ABCB11: variants seen among roughly 807,000 people sequenced by gnomAD.
The protein encoded by ABCB11 is ATP binding cassette subfamily B member 11, also known as bile salt export pump.
ABCB11 carries 95 observed loss-of-function variants against 148.0 expected under a neutral mutation model. The ratio of observed to expected loss-of-function variants is 0.64; its 90% CI spans 0.54 to 0.76. The LOEUF is 0.76. Ranked by LOEUF, ABCB11 falls within the 30% of genes least tolerant of loss-of-function variation. The pLI, the probability that ABCB11 is intolerant of heterozygous loss-of-function variation, is 0.00. For missense variants in ABCB11, 1,523 were observed against 1,617.8 expected (o/e 0.94, Z 1.01); for synonymous variants, 591 against 555.4 (o/e 1.06, Z -0.90).
rs13395480 is a variant in ABCB11 at position 168,995,241 on chromosome 2, T to C, written c.611+108A>G. The stretch of plus-strand genomic sequence containing the variant: ...ACATATGAAAGCCCAATTTAAGAGA[T>C]GAAACATAGGAAAACTGAAAATATT... On this transcript the variant is annotated intron_variant, in intron 7 of 27. Coordinates refer to ENST00000650372, the MANE Select transcript of ABCB11 (RefSeq NM_003742.4). 2.9e-4 allele frequency: 375 copies of C among 1,291,682 alleles called. No individual in the cohort carries two copies. In the African/African-American group the frequency reaches 5.0e-3, roughly 17 times the overall value. 80.0% of individuals were successfully genotyped at this position (1,291,682 alleles called of 1,614,324 possible). A position where few individuals can be genotyped will look rare whatever the true frequency, so the allele number is the denominator to read the frequency against.
intron 23 of ABCB11, among the ~76,000 whole-genome samples, 170 bp from the exon 24 acceptor site, chr2:168,932,703 T>G (rs1023581299): frequency 6.6e-5 from 10 of 152,172 alleles, no homozygotes; most frequent in Non-Finnish European, 1.0e-4. Context: ...TTTAAGGGAC[T>G]GGCAGTTTTC....
exon 3 of ABCB11, among the ~76,000 whole-genome samples, chr2:168,915,527 G>A (rs1215886160): frequency 6.6e-6 from 1 of 152,188 alleles, no homozygotes; most frequent in Non-Finnish European, 1.5e-5. Flanking sequence ...GCTTAAACAA[G>A]TGAGAGGTGT....
intron 12 of ABCB11, among the ~76,000 whole-genome samples, chr2:168,974,672 G>C (rs145500606): frequency 1.3e-5 from 2 of 151,754 alleles, no homozygotes; most frequent in Admixed American, 6.6e-5. Flanking sequence ...AAACATACTC[G>C]TACTATGAAT....
At chr2:169,021,806 C>A (rs1337459347) in intron 1 of ABCB11, among the ~76,000 whole-genome samples, 1 of 151,912 alleles carries the variant, frequency 6.6e-6, no homozygotes, top group Non-Finnish European at 1.5e-5. Flanking sequence ...ACTATGGAAC[C>A]TGCAACCAAG....
chr2:168,993,738 A>G lies in ABCB11; in HGVS notation c.756T>C (p.Ile252=). The G allele has an allele frequency of 6.2e-7, 1 of 1,609,808 alleles. No individual in the cohort carries two copies. Among genetic ancestry groups the G allele is most frequent in the Non-Finnish European group, 8.5e-7 (1 of 1,177,930 alleles). ...GACCAATGGTGGCTGCTCCAATCCCAATGAGAGGGCTGACAGAAATAATAA... is the reference window on the plus strand; with the variant it reads ...GACCAATGGTGGCTGCTCCAATCCCGATGAGAGGGCTGACAGAAATAATAA... The part of the protein sequence containing the change: ...TLVIISVSPL[I]GIGAATIGLS... Residue 252 remains isoleucine (I), a synonymous_variant, in exon 8 of 28, where the codon ATT becomes ATC. Coordinates refer to ENST00000650372, the MANE Select transcript of ABCB11 (RefSeq NM_003742.4).
chr2:168,952,677 GT>G (rs779394916), intron 19 of ABCB11, among the ~76,000 whole-genome samples: 5,324 of 93,582 alleles, frequency 0.057, 246 homozygotes, highest in African/African-American at 0.16. Context: ...TTGCTCCTTT[GT>G]TTTTTTTTTT....
rs1695254883 is a variant in ABCB11 at position 169,013,465 on chromosome 2, T to C, written c.196A>G (p.Ser66Gly). ...ATTCCATGGAGAAATGCACACAAAC[T>C]TCCCACAAACATCAGCCAAATGTCA... ...STDIWLMFVGSLCAFLHGIAQ... is the reference protein window; with the variant it reads ...STDIWLMFVGGLCAFLHGIAQ... The change falls in exon 5 of 28, where the codon AGT becomes GGT. Residue 66 changes from serine to glycine, a missense_variant. Ser to Gly is a moderately conservative substitution (Grantham distance 56). Transcript: ENST00000650372. 1.1e-5 allele frequency: 17 copies of C among 1,613,500 alleles called. No individual in the cohort carries two copies. Among genetic ancestry groups the C allele is most frequent in the Admixed American group, 3.3e-5 (2 of 59,918 alleles).
chr2:168,993,662 T>G (rs1047843705), intron 8 of ABCB11, 49 bp downstream of exon 8: 3 of 1,560,712 alleles, frequency 1.9e-6, no homozygotes, highest in Non-Finnish European at 2.6e-6. Flanking sequence ...TTTGGCTGTT[T>G]ATGAAGGCAA....
In ABCB11 at chr2:168,932,400, A is replaced by G. The variant is rs886055062; in HGVS notation, c.3190T>C (p.Tyr1064His). The part of the protein sequence containing the change: ...LLDRQPPISV[Y>H]NTAGEKWDNF... Reference sequence around the variant, plus strand: ...ACCCATTTTTCACCTGCAGTATTGTATACACTGATTGGGGGTTGTCGGTCC... The same window carrying G: ...ACCCATTTTTCACCTGCAGTATTGTGTACACTGATTGGGGGTTGTCGGTCC... Residue 1064 changes from tyrosine (Y) to histidine (H), a missense_variant, in exon 24 of 28, where the codon TAC becomes CAC. Physicochemically the swap from Tyr to His is moderately conservative, Grantham distance 83. Coordinates refer to ENST00000650372, the MANE Select transcript of ABCB11 (RefSeq NM_003742.4). 2 of 1,570,536 alleles carry G rather than the reference A, an allele frequency of 1.3e-6. No individual in the cohort carries two copies. The highest frequency in any genetic ancestry group is 1.7e-4 in the Middle Eastern group (1 of 6,014).
At chr2:168,981,990 TG>T (rs1694150356) in intron 10 of ABCB11, among the ~76,000 whole-genome samples, 1 of 152,104 alleles carries the variant, frequency 6.6e-6, no homozygotes, top group African/African-American at 2.4e-5. Flanking sequence ...GCTCTCTGGA[TG>T]GGGAGGAGTG....
At chr2:168,977,203 T>C (rs1693949054) in intron 11 of ABCB11, among the ~76,000 whole-genome samples, 1 of 150,734 alleles carries the variant, frequency 6.6e-6, no homozygotes, top group Non-Finnish European at 1.5e-5. Context: ...TAGGAGACAA[T>C]GTACTAGGTG....
intron 2 of ABCB11, 176 bp downstream of exon 2, chr2:169,017,874 A>G: frequency 1.3e-6 from 1 of 765,852 alleles, no homozygotes; most frequent in Non-Finnish European, 2.4e-6. Flanking sequence ...GCTTTCAGAT[A>G]TTACGTTACA....
At chr2:168,967,256 G>A (rs1219933267) in intron 17 of ABCB11, among the ~76,000 whole-genome samples, 1 of 151,832 alleles carries the variant, frequency 6.6e-6, no homozygotes, top group African/African-American at 2.4e-5. Flanking sequence ...ACATGACAGA[G>A]TAATGTGAAG....
At position 169,018,034 on chromosome 2, in the gene ABCB11, G is replaced by GA; in HGVS notation, c.76+15dup. On this transcript the variant is annotated intron_variant, in intron 2 of 27. Transcript: ENST00000650372. ...TCTCCTTGTACAAGATGCAGTGAGGGAAAAAAGCCACTCACATGATTTATC... is the reference window on the plus strand; with the variant it reads ...TCTCCTTGTACAAGATGCAGTGAGGGAAAAAAAGCCACTCACATGATTTATC... The GA allele has an allele frequency of 6.2e-7, 1 of 1,601,162 alleles. No homozygotes were observed. Among genetic ancestry groups the GA allele is most frequent in the Non-Finnish European group, 8.5e-7 (1 of 1,169,958 alleles).
At position 168,964,143 on chromosome 2, in the gene ABCB11, G is replaced by T; in HGVS notation, c.2178+63C>A. 4.0e-6 allele frequency: 5 copies of T among 1,251,610 alleles called. No homozygotes were observed. In the Middle Eastern group the frequency reaches 9.4e-4, roughly 235 times the overall value. The allele number at this position is 1,251,610 out of a possible 1,614,324, so 77.5% of individuals were successfully genotyped here. ...AAAACTCATATTCTCAGGCTTAAAG[G>T]GTACCCAACAGTCCCCAGGAGAGAC... On this transcript the variant is annotated intron_variant, in intron 18 of 27. Transcript: ENST00000650372.
rs1339313529 is a variant in ABCB11 at position 168,930,847 on chromosome 2, T to C, written c.3229A>G (p.Lys1077Glu). The change falls in exon 25 of 28, where the codon AAG (lysine) becomes GAG (glutamate). Residue 1077 changes from lysine to glutamate, a missense_variant. By Grantham distance (56) the Lys-to-Glu change is moderately conservative. Transcript: ENST00000650372. ...AATTTACAATCAACAAAATCAATCT[T>C]CCCCTGGAAGTTGTCCTGTGGATGG... ...AGEKWDNFQG[K>E]IDFVDCKFTY... 6.2e-7 allele frequency: 1 copy of C among 1,601,036 alleles called. No homozygotes were observed. Among genetic ancestry groups the C allele is most frequent in the South Asian group, 1.1e-5 (1 of 88,716 alleles).
At chr2:168,978,351 G>T (rs187472112) in intron 11 of ABCB11, among the ~76,000 whole-genome samples, 161 of 151,910 alleles carry the variant, frequency 1.1e-3, no homozygotes, top group African/African-American at 3.6e-3. Context: ...GCCCAGGCTT[G>T]TCTCAAACTC....
intron 17 of ABCB11, among the ~76,000 whole-genome samples, chr2:168,966,579 G>T (rs1298851737): frequency 2.6e-5 from 4 of 151,930 alleles, no homozygotes; most frequent in Admixed American, 2.6e-4. Context: ...CAACTAACTT[G>T]GGGGACTAAA....
chr2:169,018,014 T>G, intron 2 of ABCB11, 36 bp downstream of exon 2: 1 of 1,566,222 alleles, frequency 6.4e-7, no homozygotes, highest in South Asian at 1.1e-5. Context: ...TCACCTCTCC[T>G]TGTACAAGAT....
Sources: allele counts gnomAD v4.1 joint callset (sites outside exome capture counted in the v4.1 genomes callset), GRCh38; gene constraint gnomAD v4.1.1; transcripts MANE v1.5; gene names NCBI Gene and HGNC (gene_info 2026-07-23, HGNC 2026-07-21).